Variants in NBAS observed in about 807,000 individuals in gnomAD.
NBAS encodes the protein NAG/BC035112 fusion.
NBAS carries 219 observed loss-of-function variants against 302.5 expected under a neutral mutation model. The observed-to-expected ratio is 0.72, with a 90% CI of 0.65 to 0.81. NBAS has a LOEUF of 0.81. Ranked by LOEUF, NBAS falls within the 30% of genes least tolerant of loss-of-function variation. The pLI is 0.00. For synonymous variants in NBAS, 1,118 were observed against 1,021.6 expected (o/e 1.09, Z -1.80); for missense variants, 2,932 against 2,841.6 (o/e 1.03, Z -0.72).
Position 15,362,489 on chromosome 2 carries a change from C to A in NBAS, c.3817+4091G>T, listed in dbSNP as rs561257045. ...TCCCACTGCACTTCAGCCTGGGCAACAGAGCAAGAGTCTGTCTCTAAATAA... is the reference window on the plus strand; with the variant it reads ...TCCCACTGCACTTCAGCCTGGGCAAAAGAGCAAGAGTCTGTCTCTAAATAA... On this transcript the variant is annotated intron_variant, in intron 32 of 51. Transcript: ENST00000281513. 8.9e-4 allele frequency among the ~76,000 whole-genome samples: 136 copies of A among 152,162 alleles called. 5 individuals carry two copies. The South Asian group carries it at 0.027, about 30-fold the overall frequency.
chr2:15,328,352 A>G, intron 36 of NBAS, 40 bp from the exon 37 acceptor site: 3 of 1,503,082 alleles, frequency 2.0e-6, no homozygotes, highest in Non-Finnish European at 2.8e-6. Context: ...ATAAAAAGAA[A>G]GAGAAGGCAA....
chr2:14,790,684 A>G, the NBAS span, among the ~76,000 whole-genome samples: 1 of 139,258 alleles, frequency 7.2e-6, no homozygotes, highest in Non-Finnish European at 1.5e-5. Flanking sequence ...AGAGTTTCAC[A>G]CTTGTTGCCC....
the NBAS span, among the ~76,000 whole-genome samples, chr2:14,932,359 C>T: frequency 2.0e-5 from 3 of 152,228 alleles, no homozygotes; most frequent in Admixed American, 2.0e-4. Context: ...CCACTGACAG[C>T]ACCTACTGTT....
chr2:15,322,365 T>C (rs1426615797), intron 38 of NBAS, among the ~76,000 whole-genome samples: 1 of 151,984 alleles, frequency 6.6e-6, no homozygotes, highest in Non-Finnish European at 1.5e-5. Flanking sequence ...TGTGCACATG[T>C]ACCCTAGAAC....
At chr2:15,156,617 G>A in the NBAS span, among the ~76,000 whole-genome samples, 1 of 152,110 alleles carries the variant, frequency 6.6e-6, no homozygotes, top group East Asian at 1.9e-4. Flanking sequence ...CATTCGTGAC[G>A]GCTCCATTCA....
chr2:15,502,292 T>C (rs959331086), intron 11 of NBAS, among the ~76,000 whole-genome samples: 3 of 152,248 alleles, frequency 2.0e-5, no homozygotes, highest in Non-Finnish European at 4.4e-5. Flanking sequence ...AAAGTGTTCA[T>C]GATAATAAGA....
chr2:15,169,285 G>A (rs573106231), intron 51 of NBAS, among the ~76,000 whole-genome samples: 2 of 152,114 alleles, frequency 1.3e-5, no homozygotes, highest in Non-Finnish European at 2.9e-5. Context: ...CTTTGTTTTT[G>A]TTTTTAGGAG....
chr2:14,871,628 A>G, the NBAS span, among the ~76,000 whole-genome samples: 9 of 152,120 alleles, frequency 5.9e-5, no homozygotes, highest in African/African-American at 2.2e-4. Flanking sequence ...AAAATGTATA[A>G]TAGTAGCACA....
chr2:15,548,964 C>A (rs1411288051), intron 6 of NBAS, among the ~76,000 whole-genome samples: 1 of 152,098 alleles, frequency 6.6e-6, no homozygotes, highest in Non-Finnish European at 1.5e-5. Context: ...TGCGAAAAGT[C>A]TTTTATCGTA....
the NBAS span, among the ~76,000 whole-genome samples, chr2:15,075,471 G>A: frequency 6.6e-6 from 1 of 152,190 alleles, no homozygotes; most frequent in African/African-American, 2.4e-5. Context: ...GCTGTCTCAT[G>A]CTGGCTGTGT....
intron 48 of NBAS, among the ~76,000 whole-genome samples, chr2:15,192,294 G>C (rs1665397384): frequency 6.7e-6 from 1 of 148,632 alleles, no homozygotes; most frequent in East Asian, 2.0e-4. Context: ...ACCTGCTATA[G>C]AGTATATGCA....
intron 26 of NBAS, 107 bp from the exon 27 acceptor site, chr2:15,396,582 A>G (rs1373174500): frequency 4.5e-6 from 3 of 665,826 alleles, no homozygotes; most frequent in Non-Finnish European, 7.6e-6. Flanking sequence ...TTTTATATGT[A>G]ATGTATAACA....
rs1254659034 is a variant in NBAS at position 15,328,212 on chromosome 2, G to A, written c.4448C>T (p.Pro1483Leu). The A allele has an allele frequency of 2.5e-6, 4 of 1,613,382 alleles. No individual in the cohort carries two copies. In the African/African-American group the frequency reaches 4.0e-5, roughly 16 times the overall value. The part of the protein sequence containing the change: ...HPFYESVISN[P>L]FVAESEGTYD... ...CGCTGTCCTTACCTCAGCGACAAAA[G>A]GATTTGAGATGACAGATTCATAAAA... Residue 1483 changes from proline (P) to leucine (L), a missense_variant, in exon 37 of 52, where the codon CCT becomes CTT. By Grantham distance (98) the Pro-to-Leu change is moderately conservative. Transcript: ENST00000281513.
chr2:14,890,822 TCAAAA>T, the NBAS span: 1 of 162,206 alleles, frequency 6.2e-6, no homozygotes, highest in Non-Finnish European at 1.3e-5. Context: ...AAACTCTGTC[TCAAAA>T]CAAACAAACA....
intron 21 of NBAS, among the ~76,000 whole-genome samples, chr2:15,442,774 A>C (rs977792937): frequency 4.6e-5 from 7 of 151,858 alleles, no homozygotes; most frequent in African/African-American, 1.7e-4. Flanking sequence ...ATAAAGAAAA[A>C]AAGAGAGAAG....
chr2:14,799,553 T>C, the NBAS span, among the ~76,000 whole-genome samples: 1 of 152,136 alleles, frequency 6.6e-6, no homozygotes, highest in Non-Finnish European at 1.5e-5. Flanking sequence ...TGGTACTCTG[T>C]TCTAAAATAC....
the NBAS span, among the ~76,000 whole-genome samples, chr2:14,956,591 C>A: frequency 6.6e-6 from 1 of 152,140 alleles, no homozygotes; most frequent in African/African-American, 2.4e-5. Flanking sequence ...CTGAGAAGGC[C>A]TTAAGAAACT....
chr2:15,077,201 A>C, the NBAS span, among the ~76,000 whole-genome samples: 1 of 152,232 alleles, frequency 6.6e-6, no homozygotes, highest in African/African-American at 2.4e-5. Flanking sequence ...TGGCAGCAGG[A>C]AAGAGTGGGG....
At chr2:15,421,198 T>C (rs1381525789) in intron 23 of NBAS, among the ~76,000 whole-genome samples, 2 of 152,014 alleles carry the variant, frequency 1.3e-5, no homozygotes, top group African/African-American at 2.4e-5. Context: ...TTAAGAAAGC[T>C]TGATGCATAG....
Sources: allele counts gnomAD v4.1 joint callset (sites outside exome capture counted in the v4.1 genomes callset), GRCh38; gene constraint gnomAD v4.1.1; transcripts MANE v1.5; gene names NCBI Gene and HGNC (gene_info 2026-07-23, HGNC 2026-07-21).